Variants in NDE1 observed in about 807,000 individuals in gnomAD.
The protein encoded by NDE1 is nudE neurodevelopment protein 1.
NDE1 carries 28 observed loss-of-function variants against 43.4 expected under a neutral mutation model. The observed-to-expected ratio is 0.65, with a 90% CI of 0.48 to 0.89. The LOEUF is 0.89. NDE1 is among the 40% of genes least tolerant of loss of function. The pLI, the probability that NDE1 is intolerant of heterozygous loss-of-function variation, is 0.00. For missense variants in NDE1, 441 were observed against 434.1 expected (o/e 1.02, Z -0.14); for synonymous variants, 184 against 172.0 (o/e 1.07, Z -0.55).
intron 5 of NDE1, among the ~76,000 whole-genome samples, chr16:15,690,143 CA>C (rs2038659011): frequency 5.9e-5 from 9 of 151,664 alleles, no homozygotes; most frequent in Non-Finnish European, 1.5e-5. Flanking sequence ...CCCCCAGGCT[CA>C]AGCGATTGTC....
intron 4 of NDE1, among the ~76,000 whole-genome samples, chr16:15,685,266 GT>G (rs1469971357): frequency 1.3e-5 from 2 of 151,840 alleles, no homozygotes; most frequent in Non-Finnish European, 2.9e-5. Context: ...TTTTGTTTTT[GT>G]TTTTCGAGAC....
At chr16:15,651,068 A>AC (rs1016159088) in intron 1 of NDE1, among the ~76,000 whole-genome samples, 3 of 151,890 alleles carry the variant, frequency 2.0e-5, no homozygotes, top group Non-Finnish European at 4.4e-5. Flanking sequence ...GTCCTGGGAA[A>AC]CCCCGCTGTC....
intron 2 of NDE1, 25 bp from the exon 3 acceptor site, chr16:15,667,261 G>T: frequency 6.2e-7 from 1 of 1,613,624 alleles, no homozygotes; most frequent in Non-Finnish European, 8.5e-7. Context: ...ATATTACTAC[G>T]TGATGATTAA....
At chr16:15,696,586 T>A in intron 7 of NDE1, 123 bp from the exon 8 acceptor site, 1 of 1,565,026 alleles carries the variant, frequency 6.4e-7, no homozygotes, top group African/African-American at 1.3e-5. Flanking sequence ...GGGTCCCACC[T>A]TGGAATTCCA....
chr16:15,710,667 A>G (rs2039730807), intron 8 of NDE1, among the ~76,000 whole-genome samples: 1 of 151,106 alleles, frequency 6.6e-6, no homozygotes, highest in Non-Finnish European at 1.5e-5. Context: ...AGCAGAGCAC[A>G]TCTGAGGGTT....
chr16:15,679,882 G>A (rs1217181199), intron 4 of NDE1, among the ~76,000 whole-genome samples: 1 of 152,150 alleles, frequency 6.6e-6, no homozygotes, highest in Non-Finnish European at 1.5e-5. Flanking sequence ...AGATTCAAGT[G>A]ATTCTCCTGC....
chr16:15,644,546 G>A (rs1432657172), intron 1 of NDE1, among the ~76,000 whole-genome samples: 1 of 152,190 alleles, frequency 6.6e-6, no homozygotes, highest in African/African-American at 2.4e-5. Context: ...GAGAGGCTAC[G>A]GAGGGAGGAT....
chr16:15,660,543 C>T (rs905750612), intron 1 of NDE1, among the ~76,000 whole-genome samples: 2 of 152,152 alleles, frequency 1.3e-5, no homozygotes, highest in South Asian at 2.1e-4. Flanking sequence ...AGGCCCCTAC[C>T]GCCCACATCC....
At chr16:15,681,346 G>T (rs1001076164) in intron 4 of NDE1, among the ~76,000 whole-genome samples, 1 of 128,620 alleles carries the variant, frequency 7.8e-6, no homozygotes. Flanking sequence ...GCTCACTGGA[G>T]CCTTGACCTC....
chr16:15,664,804 G>C lies in NDE1; in HGVS notation c.26G>C (p.Ser9Thr), dbSNP rs749487383. Reference protein sequence around the residue: MEDSGKTFSSEEEEANYWK... With the variant: MEDSGKTFTSEEEEANYWK... ...ATGGAGGACTCCGGAAAGACTTTCA[G>C]CTCCGAGGAGGAAGAAGCTAACTAT... The change falls in exon 2 of 9, where the codon AGC becomes ACC. Residue 9 changes from serine to threonine, a missense_variant. Coordinates refer to ENST00000396354, the MANE Select transcript of NDE1 (RefSeq NM_017668.3). 6.2e-6 allele frequency: 10 copies of C among 1,613,476 alleles called. No individual in the cohort carries two copies. The highest frequency in any genetic ancestry group is 1.3e-5 in the African/African-American group (1 of 74,830).
intron 8 of NDE1, chr16:15,718,521 G>A: frequency 6.6e-7 from 1 of 1,504,488 alleles, no homozygotes; most frequent in African/African-American, 1.4e-5. Flanking sequence ...TGCCTCAGGG[G>A]TATTGCCCTC....
In NDE1 at chr16:15,645,012, C is replaced by G. The variant is rs191789447; in HGVS notation, c.-166+1085C>G. Reference sequence around the variant, plus strand: ...TTGGCTCACTGCAGCCTCCACCTCCCGGGTTCAACCGATTCTCATGCCTCA... The same window carrying G: ...TTGGCTCACTGCAGCCTCCACCTCCGGGGTTCAACCGATTCTCATGCCTCA... On this transcript the variant is annotated intron_variant, in intron 1 of 9. Coordinates refer to the NDE1 transcript ENST00000396355. Among the ~76,000 whole-genome samples the G allele has an allele frequency of 1.8e-3, 266 of 151,518 alleles. 5 individuals carry two copies. In the East Asian group the frequency reaches 0.033, roughly 19 times the overall value.
intron 6 of NDE1, among the ~76,000 whole-genome samples, chr16:15,691,771 G>C (rs2038767262): frequency 6.6e-6 from 1 of 151,520 alleles, no homozygotes; most frequent in Admixed American, 6.6e-5. Context: ...CTCCGGAGTA[G>C]CTGGGACTAA....
chr16:15,664,672 TC>T, intron 1 of NDE1, 63 bp from the exon 2 acceptor site: 27 of 916,838 alleles, frequency 2.9e-5, no homozygotes, highest in Admixed American at 4.4e-5. Flanking sequence ...TTTTTTTTTT[TC>T]TGTTAAAGGG....
At chr16:15,654,629 A>C (rs946660160) in intron 1 of NDE1, among the ~76,000 whole-genome samples, 7 of 150,338 alleles carry the variant, frequency 4.7e-5, no homozygotes, top group African/African-American at 1.2e-4. Flanking sequence ...AAAAAAAAAA[A>C]AACAAAACTG....
chr16:15,650,233 G>C (rs750113233), upstream of NDE1: 5 of 269,606 alleles, frequency 1.9e-5, no homozygotes, highest in South Asian at 3.1e-5. Flanking sequence ...GGCCGGGGCC[G>C]CACCGCCCTT....
At chr16:15,683,988 T>C (rs1164129838) in intron 4 of NDE1, among the ~76,000 whole-genome samples, 1 of 151,356 alleles carries the variant, frequency 6.6e-6, no homozygotes, top group African/African-American at 2.4e-5. Context: ...CCCAGCACTT[T>C]GGGAGGCTGA....
intron 3 of NDE1, among the ~76,000 whole-genome samples, chr16:15,669,920 T>C (rs1337146245): frequency 2.0e-5 from 3 of 152,202 alleles, no homozygotes; most frequent in South Asian, 2.1e-4. Flanking sequence ...GGAGACCCAG[T>C]GCTCTGCAAG....
intron 7 of NDE1, chr16:15,694,659 A>G: frequency 1.0e-6 from 1 of 985,232 alleles, no homozygotes; most frequent in Non-Finnish European, 1.2e-6. Flanking sequence ...CTTTCATAGC[A>G]GTGTGGTGAG....
Sources: gnomAD v4.1 joint callset for allele counts (sites outside exome capture counted in the v4.1 genomes callset) on GRCh38, gnomAD v4.1.1 for gene constraint, MANE v1.5 for transcripts, NCBI Gene and HGNC (gene_info 2026-07-23, HGNC 2026-07-21) for gene names.